LMNB1: variants seen among roughly 807,000 people sequenced by gnomAD.
LMNB1 encodes lamin-B1.
Under a neutral mutation model 67.1 loss-of-function variants are expected in LMNB1, and 23 were observed. The ratio of observed to expected loss-of-function variants is 0.34; its 90% CI spans 0.25 to 0.49. The LOEUF is 0.49. Among genes scored for constraint, LMNB1 ranks in the 20% least tolerant of loss-of-function variants. LMNB1 has a pLI of 0.99. For synonymous variants in LMNB1, 281 were observed against 282.9 expected, an observed-to-expected ratio of 0.99 and a Z score of 0.07; for missense variants, 634 against 746.5, an observed-to-expected ratio of 0.85 and a Z score of 1.76.
chr5:126,834,942 G>A (rs868253428), intron 10 of LMNB1, among the ~76,000 whole-genome samples: 2 of 152,306 alleles, frequency 1.3e-5, no homozygotes, highest in Middle Eastern at 3.4e-3. Flanking sequence ...TCATGTGAGA[G>A]TTAAATGAAG....
intron 1 of LMNB1, among the ~76,000 whole-genome samples, chr5:126,792,566 G>GATT (rs1203996589): frequency 2.2e-5 from 3 of 139,172 alleles, no homozygotes; most frequent in Non-Finnish European, 4.6e-5. Flanking sequence ...AAGCACTAGG[G>GATT]ATTTTTTTTT....
intron 10 of LMNB1, among the ~76,000 whole-genome samples, chr5:126,833,260 A>G (rs922386510): frequency 6.6e-6 from 1 of 152,238 alleles, no homozygotes; most frequent in African/African-American, 2.4e-5. Context: ...AATTGAAGAT[A>G]GATTTTGGCT....
intron 9 of LMNB1, among the ~76,000 whole-genome samples, chr5:126,829,880 C>T (rs931897228): frequency 6.6e-6 from 1 of 152,030 alleles, no homozygotes; most frequent in African/African-American, 2.4e-5. Flanking sequence ...AACCTAGGGG[C>T]TCTTATTCAG....
chr5:126,834,960 A>T (rs1752218101), intron 10 of LMNB1, among the ~76,000 whole-genome samples: 1 of 152,202 alleles, frequency 6.6e-6, no homozygotes, highest in African/African-American at 2.4e-5. Flanking sequence ...AAGTTGAAAG[A>T]TTGGAATTAA....
At chr5:126,805,032 A>G (rs767435153) in intron 2 of LMNB1, 100 bp downstream of exon 2, 1 of 1,074,592 alleles carries the variant, frequency 9.3e-7, no homozygotes, top group Non-Finnish European at 1.3e-6. Context: ...AATGTATTTT[A>G]TTTTTGAAAT....
intron 1 of LMNB1, among the ~76,000 whole-genome samples, chr5:126,786,104 G>A (rs1464455218): frequency 7.3e-6 from 1 of 136,644 alleles, no homozygotes; most frequent in Non-Finnish European, 1.6e-5. Context: ...ATGCTTTACA[G>A]ACATTATCTT....
At chr5:126,806,631 C>T (rs752458955) in intron 3 of LMNB1, among the ~76,000 whole-genome samples, 10 of 151,976 alleles carry the variant, frequency 6.6e-5, no homozygotes, top group Non-Finnish European at 8.8e-5. Flanking sequence ...AGAAACACAA[C>T]GAGAACATGA....
In LMNB1 at chr5:126,836,545, G is replaced by GT; in HGVS notation, c.*287dup. 2.9e-6 allele frequency: 1 copy of GT among 349,980 alleles called. No homozygotes were observed. Among genetic ancestry groups the GT allele is most frequent in the East Asian group, 4.4e-5 (1 of 22,982 alleles). The allele number at this position is 349,980 out of a possible 1,614,324, so 21.7% of individuals were successfully genotyped here. On this transcript the variant is annotated 3_prime_UTR_variant, in exon 11 of 11. Coordinates refer to ENST00000261366, the MANE Select transcript of LMNB1 (RefSeq NM_005573.4). ...ATTTTTTGACTTTTTTTGTATGTGTGTTTTTTCTTTTTTTTTAAGTTCTTA... is the reference window on the plus strand; with the variant it reads ...ATTTTTTGACTTTTTTTGTATGTGTGTTTTTTTCTTTTTTTTTAAGTTCTTA...
In LMNB1 at chr5:126,783,478, C is replaced by A. The variant is rs927277826; in HGVS notation, c.359+5611C>A. Among the ~76,000 whole-genome samples, 4 of 152,118 alleles carry A rather than the reference C, an allele frequency of 2.6e-5. No individual in the cohort carries two copies. The East Asian group carries it at 7.7e-4, about 29-fold the overall frequency. On this transcript the variant is annotated intron_variant, in intron 1 of 10. Coordinates refer to ENST00000261366, the MANE Select transcript of LMNB1 (RefSeq NM_005573.4). ...TTATGTTAAATGTTACTTTAATTTT[C>A]AAGGGAAGACTTGGAAGGACCAAAC...
At chr5:126,818,899 A>T (rs1751790500) in intron 5 of LMNB1, 23 bp from the exon 6 acceptor site, 1 of 1,540,042 alleles carries the variant, frequency 6.5e-7, no homozygotes, top group Admixed American at 1.7e-5. Context: ...CTAGAAAGTA[A>T]ATATGTTTCC....
At chr5:126,828,657 C>T (rs1362230318) in intron 9 of LMNB1, among the ~76,000 whole-genome samples, 1 of 151,320 alleles carries the variant, frequency 6.6e-6, no homozygotes, top group Non-Finnish European at 1.5e-5. Context: ...TCTCGGCTCA[C>T]TGCAACCTCC....
intron 1 of LMNB1, among the ~76,000 whole-genome samples, chr5:126,792,980 G>A (rs747792566): frequency 3.3e-5 from 5 of 152,204 alleles, no homozygotes; most frequent in Non-Finnish European, 7.3e-5. Context: ...GAACATTGTT[G>A]TAGAACTGAC....
At chr5:126,828,829 G>A (rs1752063415) in intron 9 of LMNB1, among the ~76,000 whole-genome samples, 1 of 151,878 alleles carries the variant, frequency 6.6e-6, no homozygotes, top group African/African-American at 2.4e-5. Flanking sequence ...CAAAGTGCTG[G>A]GATTACAGGT....
intron 10 of LMNB1, among the ~76,000 whole-genome samples, chr5:126,835,106 C>G (rs912640018): frequency 6.6e-6 from 1 of 151,974 alleles, no homozygotes; most frequent in African/African-American, 2.4e-5. Flanking sequence ...ATTCCAGAGG[C>G]AGTGAGGGAA....
At chr5:126,792,142 CTTTT>C (rs5871231) in intron 1 of LMNB1, among the ~76,000 whole-genome samples, 5 of 123,110 alleles carry the variant, frequency 4.1e-5, no homozygotes, top group Non-Finnish European at 3.4e-5. Context: ...GATTTGGTTC[CTTTT>C]TTTTTTTTTT....
At chr5:126,834,869 C>T (rs1401830220) in intron 10 of LMNB1, among the ~76,000 whole-genome samples, 1 of 152,160 alleles carries the variant, frequency 6.6e-6, no homozygotes, top group African/African-American at 2.4e-5. Flanking sequence ...GAGTGAGACT[C>T]TGCCTCATAA....
Position 126,777,564 on chromosome 5 carries a change from C to G in LMNB1, c.56C>G (p.Thr19Ser), listed in dbSNP as rs1750494330. 6.8e-7 allele frequency: 1 copy of G among 1,472,260 alleles called. No homozygotes were observed. The highest frequency in any genetic ancestry group is 9.0e-7 in the Non-Finnish European group (1 of 1,108,234). 91.2% of individuals were successfully genotyped at this position (1,472,260 alleles called of 1,614,324 possible). A position where few individuals can be genotyped will look rare whatever the true frequency, so the allele number is the denominator to read the frequency against. The change falls in exon 1 of 11, where the codon ACC becomes AGC. Residue 19 changes from threonine (T) to serine (S), a missense_variant. Transcript: ENST00000261366. ...PRMGSRAGGP[T>S]TPLSPTRLSR... ...ATGGGCAGCCGCGCTGGCGGCCCCA[C>G]CACGCCGCTGAGCCCCACGCGCCTG...
chr5:126,780,444 G>C (rs1750603837), intron 1 of LMNB1, among the ~76,000 whole-genome samples: 1 of 152,202 alleles, frequency 6.6e-6, no homozygotes, highest in Admixed American at 6.5e-5. Flanking sequence ...CTGCCACCTG[G>C]CTGACAGTAG....
intron 9 of LMNB1, among the ~76,000 whole-genome samples, chr5:126,831,862 C>T (rs985349973): frequency 1.3e-5 from 2 of 152,122 alleles, no homozygotes; most frequent in African/African-American, 4.8e-5. Flanking sequence ...TACTTCCTCC[C>T]CTGCAGGAAA....
Sources: gnomAD v4.1 joint callset for allele counts (sites outside exome capture counted in the v4.1 genomes callset) on GRCh38, gnomAD v4.1.1 for gene constraint, MANE v1.5 for transcripts, NCBI Gene and HGNC (gene_info 2026-07-23, HGNC 2026-07-21) for gene names.